The following SUGCT variants were observed in gnomAD, a reference collection of about 807,000 sequenced individuals.
The protein encoded by SUGCT is succinyl-CoA:glutarate-CoA transferase, also known as succinyl-CoA:glutarate CoA-transferase.
In SUGCT, 41 loss-of-function variants were observed where a neutral mutation model predicts 55.0. The observed-to-expected ratio is 0.74, with a 90% CI of 0.58 to 0.97. The LOEUF (loss-of-function observed/expected upper bound fraction) is 0.97. SUGCT is among the 50% of genes least tolerant of loss of function. The pLI, the probability that SUGCT is intolerant of heterozygous loss-of-function variation, is 0.00. For synonymous variants in SUGCT, 187 were observed against 200.4 expected (o/e 0.93, Z 0.56); for missense variants, 568 against 547.8 (o/e 1.04, Z -0.37).
chr7:40,968,532 T>C, the SUGCT span, among the ~76,000 whole-genome samples: 4 of 152,152 alleles, frequency 2.6e-5, no homozygotes, highest in African/African-American at 9.7e-5. Context: ...GACTGTACAT[T>C]ATTAGTGCCC....
At chr7:40,401,368 C>T (rs1360387573) in intron 9 of SUGCT, among the ~76,000 whole-genome samples, 1 of 152,144 alleles carries the variant, frequency 6.6e-6, no homozygotes, top group African/African-American at 2.4e-5. Flanking sequence ...TGAAATGATT[C>T]AGAGAAGGGC....
chr7:40,383,669 A>G (rs1257058819), intron 9 of SUGCT, among the ~76,000 whole-genome samples: 1 of 152,140 alleles, frequency 6.6e-6, no homozygotes, highest in African/African-American at 2.4e-5. Flanking sequence ...TCTGATAAGG[A>G]AGAGATTGTG....
rs11977080 is a variant in SUGCT, at chr7:40,603,276, T to G, written c.1089+106890T>G. On this transcript the variant is annotated intron_variant, in intron 12 of 13. Transcript: ENST00000335693. ...AAAAGGGTTTAGATACATAGGAATA[T>G]GTATGACAAATGCATAATGATAGCG... Among the ~76,000 whole-genome samples, 196 of 152,344 alleles carry G rather than the reference T, an allele frequency of 1.3e-3. 1 individual carries two copies. The highest frequency in any genetic ancestry group is 4.5e-3 in the African/African-American group (188 of 41,580).
rs70990650 is a variant in SUGCT, at chr7:40,854,419, C to CCTTTCTTTCTTTCTTTCTTTCTTT, written c.1154-5862_1154-5839dup. Reference sequence around the variant, plus strand: ...TTTTTCTTTCTTTCTTTCTTTCTTTCCTTTCTTTCTTTCTTTCTTTCTTTC... The same window carrying CCTTTCTTTCTTTCTTTCTTTCTTT: ...TTTTTCTTTCTTTCTTTCTTTCTTTCCTTTCTTTCTTTCTTTCTTTCTTTCTTTCTTTCTTTCTTTCTTTCTTTC... On this transcript the variant is annotated intron_variant, in intron 13 of 13. Coordinates refer to ENST00000335693, the MANE Select transcript of SUGCT (RefSeq NM_001193313.2). Among the ~76,000 whole-genome samples, 175 of 88,828 alleles carry CCTTTCTTTCTTTCTTTCTTTCTTT rather than the reference C, an allele frequency of 2.0e-3. 4 individuals are homozygous for CCTTTCTTTCTTTCTTTCTTTCTTT. The highest frequency in any genetic ancestry group is 3.3e-3 in the East Asian group (5 of 1,538). 58.3% of individuals were successfully genotyped at this position (88,828 alleles called of 152,430 possible).
intron 9 of SUGCT, among the ~76,000 whole-genome samples, chr7:40,358,062 T>C (rs1432063092): frequency 1.3e-5 from 2 of 152,248 alleles, no homozygotes; most frequent in Non-Finnish European, 2.9e-5. Context: ...GCCCAATAAG[T>C]AGTTTTGAAT....
At chr7:40,213,587 A>C (rs1391628492) in intron 6 of SUGCT, among the ~76,000 whole-genome samples, 1 of 152,126 alleles carries the variant, frequency 6.6e-6, no homozygotes, top group East Asian at 1.9e-4. Flanking sequence ...CTTGGAACTC[A>C]AGTTCAGCCT....
chr7:40,558,865 A>C (rs1025669625), intron 12 of SUGCT, among the ~76,000 whole-genome samples: 1 of 152,236 alleles, frequency 6.6e-6, no homozygotes, highest in African/African-American at 2.4e-5. Context: ...TATATGCATC[A>C]CTAATGCTGC....
chr7:40,503,679 T>C (rs1792426026), intron 12 of SUGCT, among the ~76,000 whole-genome samples: 1 of 152,192 alleles, frequency 6.6e-6, no homozygotes, highest in Non-Finnish European at 1.5e-5. Context: ...TTTCAGAGTT[T>C]ACTGTAGACT....
intron 13 of SUGCT, among the ~76,000 whole-genome samples, chr7:40,769,046 G>C (rs1402853057): frequency 2.6e-5 from 4 of 152,132 alleles, no homozygotes; most frequent in Admixed American, 2.6e-4. Flanking sequence ...AGATGTTAGA[G>C]GGAAAGGATT....
At chr7:40,916,566 G>C in the SUGCT span, among the ~76,000 whole-genome samples, 3 of 152,170 alleles carry the variant, frequency 2.0e-5, no homozygotes, top group Admixed American at 2.0e-4. Flanking sequence ...GTGGGTAATA[G>C]CATCCTATCA....
chr7:40,810,877 G>C (rs1201605071), intron 13 of SUGCT, among the ~76,000 whole-genome samples: 1 of 152,062 alleles, frequency 6.6e-6, no homozygotes, highest in Non-Finnish European at 1.5e-5. Flanking sequence ...TTTCTTGTAG[G>C]ATTGTTATAG....
At chr7:40,691,937 T>C (rs868225949) in intron 12 of SUGCT, among the ~76,000 whole-genome samples, 1 of 152,268 alleles carries the variant, frequency 6.6e-6, no homozygotes, top group East Asian at 1.9e-4. Flanking sequence ...CCCTTTCTCA[T>C]TGGATTCTTA....
chr7:40,809,603 C>T (rs1584472746), intron 13 of SUGCT, among the ~76,000 whole-genome samples: 1 of 152,080 alleles, frequency 6.6e-6, no homozygotes, highest in East Asian at 1.9e-4. Flanking sequence ...GAGTCAACAG[C>T]TCATGAAGAT....
chr7:40,521,017 T>C (rs1793499262), intron 12 of SUGCT, among the ~76,000 whole-genome samples: 1 of 152,108 alleles, frequency 6.6e-6, no homozygotes, highest in Non-Finnish European at 1.5e-5. Context: ...GTAATTCTCA[T>C]ACACTGGGGA....
intron 12 of SUGCT, among the ~76,000 whole-genome samples, chr7:40,587,135 A>G (rs191800150): frequency 8.9e-4 from 136 of 152,362 alleles, no homozygotes; most frequent in African/African-American, 3.1e-3. Context: ...AGGAGCTGGC[A>G]GTGAAAGGCA....
intron 6 of SUGCT, among the ~76,000 whole-genome samples, chr7:40,211,454 A>G (rs1787330658): frequency 6.6e-6 from 1 of 152,058 alleles, no homozygotes. Context: ...GCCTCAAGTG[A>G]TCTCCCTGCC....
At chr7:40,239,335 C>T (rs1003917372) in intron 7 of SUGCT, among the ~76,000 whole-genome samples, 3 of 151,938 alleles carry the variant, frequency 2.0e-5, no homozygotes, top group African/African-American at 7.3e-5. Flanking sequence ...GGCCTCCTAA[C>T]GTGATGGGAT....
chr7:40,419,414 A>ATTCC (rs1787185524), intron 9 of SUGCT, among the ~76,000 whole-genome samples: 1 of 152,242 alleles, frequency 6.6e-6, no homozygotes, highest in African/African-American at 2.4e-5. Context: ...TGAAAAGGGA[A>ATTCC]AAAATAATTT....
At chr7:40,433,501 A>T (rs1447253403) in intron 9 of SUGCT, among the ~76,000 whole-genome samples, 1 of 152,124 alleles carries the variant, frequency 6.6e-6, no homozygotes, top group Non-Finnish European at 1.5e-5. Flanking sequence ...TTTAGAGTTT[A>T]TTAGTCTTTT....
Sources: allele counts gnomAD v4.1 joint callset (sites outside exome capture counted in the v4.1 genomes callset), GRCh38; gene constraint gnomAD v4.1.1; transcripts MANE v1.5; gene names NCBI Gene and HGNC (gene_info 2026-07-23, HGNC 2026-07-21).